TMEM184B: variants seen among roughly 807,000 people sequenced by gnomAD.
TMEM184B encodes transmembrane protein 184B.
In TMEM184B, 17 loss-of-function variants were observed where a neutral mutation model predicts 41.8. The ratio of observed to expected loss-of-function variants is 0.41; its 90% CI spans 0.28 to 0.61. The LOEUF (loss-of-function observed/expected upper bound fraction) is 0.61, where lower values mean the gene tolerates loss of function less well. Ranked by LOEUF, TMEM184B falls within the 20% of genes least tolerant of loss-of-function variation. TMEM184B has a pLI of 0.34. For synonymous variants in TMEM184B, 240 were observed against 229.5 expected, an observed-to-expected ratio of 1.05 and a Z score of -0.41; for missense variants, 393 against 557.8, an observed-to-expected ratio of 0.70 and a Z score of 2.98.
chr22:38,269,983 G>A (rs1422183836), intron 1 of TMEM184B, among the ~76,000 whole-genome samples: 1 of 152,190 alleles, frequency 6.6e-6, no homozygotes, highest in African/African-American at 2.4e-5. Flanking sequence ...ATAACACATG[G>A]CTGAGCATGT....
chr22:38,235,795 C>T (rs1008545972), intron 3 of TMEM184B, among the ~76,000 whole-genome samples: 3 of 152,222 alleles, frequency 2.0e-5, no homozygotes, highest in African/African-American at 4.8e-5. Context: ...AAACTCAACA[C>T]ATCCCCTGGA....
intron 3 of TMEM184B, 100 bp from the exon 4 acceptor site, chr22:38,231,434 T>C: frequency 2.0e-6 from 2 of 984,632 alleles, no homozygotes; most frequent in Non-Finnish European, 3.3e-6. Context: ...GCCACAGCTG[T>C]GTGTGGCAAC....
rs147847177 is a variant in TMEM184B, at chr22:38,251,573, C to T, written c.-58-3554G>A. Among the ~76,000 whole-genome samples, 430 of 152,310 alleles carry T rather than the reference C, an allele frequency of 2.8e-3. 4 individuals are homozygous for T. Among genetic ancestry groups the T allele is most frequent in the Non-Finnish European group, 5.2e-3 (355 of 68,016 alleles). On this transcript the variant is annotated intron_variant, in intron 1 of 8. Transcript: ENST00000361906. ...AAACGTACTCCCAAGTCAGTGACCA[C>T]AAGGCCAGACTCTGCAAACTGTTCA...
chr22:38,252,369 T>A (rs1414739532), intron 1 of TMEM184B, among the ~76,000 whole-genome samples: 1 of 152,134 alleles, frequency 6.6e-6, no homozygotes, highest in Non-Finnish European at 1.5e-5. Flanking sequence ...CTCCCATTAT[T>A]TCCCTAATTG....
At chr22:38,262,772 G>A (rs1267581557) in intron 1 of TMEM184B, among the ~76,000 whole-genome samples, 2 of 152,226 alleles carry the variant, frequency 1.3e-5, no homozygotes, top group Non-Finnish European at 2.9e-5. Flanking sequence ...GCCCCTTTGT[G>A]AGAACCAAGC....
At chr22:38,270,635 G>A (rs1054655046) in intron 1 of TMEM184B, among the ~76,000 whole-genome samples, 7 of 152,164 alleles carry the variant, frequency 4.6e-5, no homozygotes, top group Non-Finnish European at 7.4e-5. Flanking sequence ...GCAGGGCCTG[G>A]TGCAGACCCC....
intron 5 of TMEM184B, among the ~76,000 whole-genome samples, chr22:38,227,697 C>G (rs1005474477): frequency 6.6e-6 from 1 of 152,126 alleles, no homozygotes; most frequent in Non-Finnish European, 1.5e-5. Flanking sequence ...CACAGACTCC[C>G]TGATGAAAAG....
chr22:38,233,032 ACACAGGTGCCAC>A (rs2145610239), intron 3 of TMEM184B, among the ~76,000 whole-genome samples: 1 of 152,296 alleles, frequency 6.6e-6, no homozygotes, highest in East Asian at 1.9e-4. Context: ...CTTCCTCAGG[ACACAGGTGCCAC>A]TCATGGCACA....
chr22:38,260,572 T>C (rs1248002625), intron 1 of TMEM184B, among the ~76,000 whole-genome samples: 1 of 151,946 alleles, frequency 6.6e-6, no homozygotes, highest in East Asian at 1.9e-4. Context: ...TAGCTTTGTG[T>C]CTGTGAGCAA....
At chr22:38,251,140 G>T (rs140250482) in intron 1 of TMEM184B, among the ~76,000 whole-genome samples, 2 of 152,294 alleles carry the variant, frequency 1.3e-5, no homozygotes, top group South Asian at 4.1e-4. Context: ...GGTCCCCCAG[G>T]GTGGAGGAGA....
downstream of TMEM184B, among the ~76,000 whole-genome samples, chr22:38,217,049 G>A (rs747539954): frequency 7.9e-5 from 12 of 151,962 alleles, no homozygotes; most frequent in Middle Eastern, 6.8e-3. Flanking sequence ...AAAACAGGCC[G>A]GGCGCAGTGG....
In TMEM184B at chr22:38,239,662, T is replaced by G. The variant is rs2091860672; in HGVS notation, c.358+6273A>C. On this transcript the variant is annotated intron_variant, in intron 3 of 8. Coordinates refer to ENST00000361906, the MANE Select transcript of TMEM184B (RefSeq NM_012264.5). This position sits in a 1 kb window ranked among gnomAD's most constrained non-coding sequence, Gnocchi z 4.6. ...TTCAACAGAGGCTGAGACAGCTCTA[T>G]CCTCAGAACACGGTCCAGCTGAGGG... 6.6e-6 allele frequency among the ~76,000 whole-genome samples: 1 copy of G among 152,126 alleles called. No homozygotes were observed. Among genetic ancestry groups the G allele is most frequent in the Non-Finnish European group, 1.5e-5 (1 of 68,028 alleles).
intron 3 of TMEM184B, among the ~76,000 whole-genome samples, chr22:38,237,482 C>T (rs893107405): frequency 1.3e-5 from 2 of 152,278 alleles, no homozygotes; most frequent in South Asian, 2.1e-4. Flanking sequence ...ACACCTTCAG[C>T]GCCTAAAGCT....
chr22:38,266,444 A>G (rs1290004868), intron 1 of TMEM184B, among the ~76,000 whole-genome samples: 1 of 152,236 alleles, frequency 6.6e-6, no homozygotes, highest in Non-Finnish European at 1.5e-5. Flanking sequence ...TGGCTTGCCC[A>G]AGGTCACAGC....
At chr22:38,219,025 C>T (rs2091187352), downstream of TMEM184B, among the ~76,000 whole-genome samples, 1 of 152,208 alleles carries the variant, frequency 6.6e-6, no homozygotes, top group African/African-American at 2.4e-5. Flanking sequence ...GCCCCATGGA[C>T]CTGGTTGACC....
Position 38,228,143 on chromosome 22 carries a change from C to T in TMEM184B, c.526-1273G>A, listed in dbSNP as rs985590244. Among the ~76,000 whole-genome samples, 5 of 152,256 alleles carry T rather than the reference C, an allele frequency of 3.3e-5. No individual in the cohort carries two copies. In the East Asian group the frequency reaches 9.7e-4, roughly 29 times the overall value. On this transcript the variant is annotated intron_variant, in intron 5 of 8. Coordinates refer to ENST00000361906, the MANE Select transcript of TMEM184B (RefSeq NM_012264.5). ...CATGGGGCTGCCATACGGAGAGGCC[C>T]GCGTGATGGGGCAGACGTGCAGTCC...
chr22:38,236,449 GCTCAATATA>G lies in TMEM184B; in HGVS notation c.359-5124_359-5116del, dbSNP rs575880419. ...AGGGGCAGATCCCAGAAGGACTGCA[GCTCAATATA>G]CTCAATATACGAAACCATTTCCTTT... On this transcript the variant is annotated intron_variant, in intron 3 of 8. Transcript: ENST00000361906. Among the ~76,000 whole-genome samples the G allele has an allele frequency of 4.9e-3, 753 of 152,232 alleles. 5 individuals carry two copies. The highest frequency in any genetic ancestry group is 0.01 in the Middle Eastern group (3 of 294).
At position 38,250,132 on chromosome 22, in the gene TMEM184B, AGAATATCCT is replaced by A. The variant is rs532245193; in HGVS notation, c.-58-2122_-58-2114del. Among the ~76,000 whole-genome samples, 163 of 152,374 alleles carry A rather than the reference AGAATATCCT, an allele frequency of 1.1e-3. 1 individual carries two copies. Among genetic ancestry groups the A allele is most frequent in the African/African-American group, 3.8e-3 (160 of 41,592 alleles). On this transcript the variant is annotated intron_variant, in intron 1 of 8. Transcript: ENST00000361906. Reference sequence around the variant, plus strand: ...AAATTCGCAAGCTGGTATTCAAGTCAGAATATCCTGACACCAACGGAGGTTTCCCTGGGC... The same window carrying A: ...AAATTCGCAAGCTGGTATTCAAGTCAGACACCAACGGAGGTTTCCCTGGGC...
intron 1 of TMEM184B, among the ~76,000 whole-genome samples, chr22:38,262,220 T>C (rs542868788): frequency 6.6e-6 from 1 of 152,232 alleles, no homozygotes; most frequent in East Asian, 1.9e-4. Context: ...CACGCGAAAG[T>C]GCCAAGGTGT....
Sources: gnomAD v4.1 joint callset for allele counts (sites outside exome capture counted in the v4.1 genomes callset) on GRCh38, gnomAD v4.1.1 for gene constraint, Gnocchi (gnomAD v3.1) non-coding constraint, MANE v1.5 for transcripts, NCBI Gene and HGNC (gene_info 2026-07-23, HGNC 2026-07-21) for gene names.